ZNF81: variants seen among roughly 807,000 people sequenced by gnomAD.
ZNF81 encodes zinc finger protein 81, also known as zinc finger protein 81 (HFZ20).
ZNF81 carries 5 observed loss-of-function variants against 32.3 expected under a neutral mutation model. That is an observed-to-expected ratio of 0.15 (90% CI 0.08 to 0.33). ZNF81 has a LOEUF of 0.33. ZNF81 is among the 10% of genes least tolerant of loss of function. ZNF81 has a pLI of 1.00. For missense variants in ZNF81, 379 were observed against 479.8 expected (o/e 0.79, Z 1.96); for synonymous variants, 163 against 166.8 (o/e 0.98, Z 0.17).
chrX:47,875,382 G>A (rs2058596079), intron 2 of ZNF81, among the ~76,000 whole-genome samples: 1 of 112,054 alleles, frequency 8.9e-6, no homozygotes, highest in Non-Finnish European at 1.9e-5. Flanking sequence ...CTATAAGACT[G>A]GATTCTCATT....
At chrX:47,879,679 C>T (rs1339769540) in intron 2 of ZNF81, among the ~76,000 whole-genome samples, 1 of 112,126 alleles carries the variant, frequency 8.9e-6, no homozygotes, top group Admixed American at 9.5e-5. Context: ...TCTAGTATAA[C>T]CTGCCCTTTG....
chrX:47,840,123 CTCTCTT>C (rs782216468), intron 1 of ZNF81, among the ~76,000 whole-genome samples: 33 of 75,574 alleles, frequency 4.4e-4, no homozygotes, highest in Non-Finnish European at 6.9e-4. Flanking sequence ...CATGTCTTCT[CTCTCTT>C]TTTTTTTTTT....
At chrX:47,866,578 G>T (rs782687712) in intron 2 of ZNF81, among the ~76,000 whole-genome samples, 4 of 111,714 alleles carry the variant, frequency 3.6e-5, no homozygotes, top group African/African-American at 1.3e-4. Context: ...GTGGCCATCT[G>T]TGCTAGTTAA....
intron 2 of ZNF81, among the ~76,000 whole-genome samples, chrX:47,876,395 C>T (rs1357982999): frequency 6.2e-5 from 7 of 112,189 alleles, no homozygotes; most frequent in Non-Finnish European, 1.3e-4. Context: ...CTCAGATTGT[C>T]CTTGATGAGT....
In ZNF81 at chrX:47,916,593, G is replaced by T; in HGVS notation, c.1947G>T (p.Gln649His). 8.3e-7 allele frequency: 1 copy of T among 1,202,111 alleles called. No individual in the cohort carries two copies. Among genetic ancestry groups the T allele is most frequent in the Non-Finnish European group, 1.1e-6 (1 of 892,004 alleles). ...KCSDCGKGFT[Q>H]KSVLSMHRNI... ...GCGACTGTGGAAAGGGGTTCACCCA[G>T]AAATCAGTTCTCAGTATGCATCGCA... Residue 649 changes from glutamine to histidine, a missense_variant, in exon 5 of 5, where the codon CAG becomes CAT. By Grantham distance (24) the Gln-to-His change is conservative (BLOSUM62 0). Around this residue, in one of 2 missense-constraint regions of ZNF81, gnomAD observed 102 missense variants for 173.2 expected, o/e 0.59. Transcript: ENST00000338637.
intron 2 of ZNF81, among the ~76,000 whole-genome samples, chrX:47,879,435 A>C (rs2058612368): frequency 8.9e-6 from 1 of 111,750 alleles, no homozygotes; most frequent in Non-Finnish European, 1.9e-5. Context: ...AAGACTCCTC[A>C]GTAAGAGATA....
chrX:47,875,332 G>A (rs782034519), intron 2 of ZNF81, among the ~76,000 whole-genome samples: 10 of 112,229 alleles, frequency 8.9e-5, no homozygotes, highest in Non-Finnish European at 1.7e-4. Flanking sequence ...CCACAAATAA[G>A]TTAATTCACC....
In ZNF81 at chrX:47,919,548, C is replaced by G. The variant is rs1391697566; in HGVS notation, c.*2916C>G. ...CACCATAGACTTGGTGGCTTATAAA[C>G]AACAGAAATTTATTCCTCACAGTTC... is the stretch of plus-strand genomic sequence containing the variant. On this transcript the variant is annotated 3_prime_UTR_variant, in exon 5 of 5. Transcript: ENST00000338637. The G allele has an allele frequency of 3.2e-5, 4 of 124,050 alleles. No homozygotes were observed. Among genetic ancestry groups the G allele is most frequent in the East Asian group, 2.5e-4 (1 of 4,001 alleles). 10.2% of individuals were successfully genotyped at this position (124,050 alleles called of 1,213,427 possible).
intron 3 of ZNF81, among the ~76,000 whole-genome samples, chrX:47,895,363 A>G (rs1361713875): frequency 1.8e-5 from 2 of 111,442 alleles, no homozygotes; most frequent in African/African-American, 6.5e-5. Context: ...AAGCATGCGT[A>G]GAGGGAAGAC....
At chrX:47,847,710 C>G (rs2058476591) in intron 2 of ZNF81, among the ~76,000 whole-genome samples, 1 of 111,481 alleles carries the variant, frequency 9.0e-6, no homozygotes, top group African/African-American at 3.3e-5. Flanking sequence ...TTGTGGGGAG[C>G]ACATCCTTGC....
At chrX:47,838,492 A>G (rs376929819) in intron 1 of ZNF81, among the ~76,000 whole-genome samples, 72 of 110,728 alleles carry the variant, frequency 6.5e-4, no homozygotes, top group African/African-American at 2.2e-3. Flanking sequence ...CTCTATTTTT[A>G]ATTTCAAAAG....
At chrX:47,900,837 T>A (rs1237777169) in intron 4 of ZNF81, among the ~76,000 whole-genome samples, 1 of 111,379 alleles carries the variant, frequency 9.0e-6, no homozygotes, top group Non-Finnish European at 1.9e-5. Flanking sequence ...TTAGGCAGAT[T>A]TTATACACAG....
chrX:47,895,973 C>T (rs782289209), intron 4 of ZNF81, 33 bp downstream of exon 4: 35 of 1,077,073 alleles, frequency 3.2e-5, no homozygotes, highest in Non-Finnish European at 4.5e-5. Flanking sequence ...GATGGGGACA[C>T]GAAGTAATTT....
chrX:47,904,357 A>G (rs2058711717), intron 4 of ZNF81, among the ~76,000 whole-genome samples: 1 of 104,593 alleles, frequency 9.6e-6, no homozygotes, highest in South Asian at 4.7e-4. Context: ...AACTCAAACA[A>G]ATTTACAGGA....
Position 47,888,052 on chromosome X carries a change from G to A in ZNF81, c.108G>A (p.Gln36=), listed in dbSNP as rs1352602297. Residue 36 remains glutamine, a synonymous_variant, in exon 3 of 5, where the codon CAG becomes CAA. Transcript: ENST00000338637. ...TGGACTTCAGTAGAGAGGAGTGGCA[G>A]CAACTGGACTCTACTCAAAGACGCC... The part of the protein sequence containing the change: ...VTVDFSREEW[Q]QLDSTQRRLY... 2.5e-6 allele frequency: 3 copies of A among 1,208,503 alleles called. No homozygotes were observed. The African/African-American group carries it at 5.3e-5, about 21-fold the overall frequency.
At chrX:47,873,311 A>G (rs1556884125) in intron 2 of ZNF81, among the ~76,000 whole-genome samples, 2 of 112,187 alleles carry the variant, frequency 1.8e-5, no homozygotes, top group Admixed American at 1.9e-4. Context: ...TTGTAGAATA[A>G]GTAGCACCAG....
rs1339502552 is a variant in ZNF81 at position 47,899,296 on chromosome X, T to TG, written c.277+3356_277+3357insG. Reference sequence around the variant, plus strand: ...AATCCTAGCTTGTTTCATAGTTTTTTTTTTTAAATCATGATTGAGTGTTGA... The same window carrying TG: ...AATCCTAGCTTGTTTCATAGTTTTTTGTTTTTAAATCATGATTGAGTGTTGA... On this transcript the variant is annotated intron_variant, in intron 4 of 4. Coordinates refer to ENST00000338637, the MANE Select transcript of ZNF81 (RefSeq NM_007137.5). 2.7e-5 allele frequency among the ~76,000 whole-genome samples: 3 copies of TG among 109,939 alleles called. No homozygotes were observed. In the East Asian group the frequency reaches 8.5e-4, roughly 31 times the overall value.
At chrX:47,894,491 C>T (rs1420377902) in intron 3 of ZNF81, among the ~76,000 whole-genome samples, 3 of 111,655 alleles carry the variant, frequency 2.7e-5, no homozygotes, top group Admixed American at 9.5e-5. Context: ...CCGAAGTGGT[C>T]GGGTGGGAGT....
At chrX:47,889,003 A>G (rs2058653061) in intron 3 of ZNF81, among the ~76,000 whole-genome samples, 1 of 112,029 alleles carries the variant, frequency 8.9e-6, no homozygotes, top group Admixed American at 9.5e-5. Context: ...ATTTCCAAGC[A>G]GTGTTGAAAG....
Sources: gnomAD v4.1 joint callset for allele counts (sites outside exome capture counted in the v4.1 genomes callset) on GRCh38, gnomAD v4.1.1 for gene constraint, gnomAD v4.1.1 regional missense constraint, MANE v1.5 for transcripts, NCBI Gene and HGNC (gene_info 2026-07-23, HGNC 2026-07-21) for gene names.